LRMDA: variants seen among roughly 807,000 people sequenced by gnomAD.
LRMDA encodes the protein leucine-rich melanocyte differentiation-associated protein.
LRMDA carries 18 observed loss-of-function variants against 29.8 expected under a neutral mutation model. The ratio of observed to expected loss-of-function variants is 0.60; its 90% CI spans 0.42 to 0.90. The LOEUF is 0.90. Among genes scored for constraint, LRMDA ranks in the 40% least tolerant of loss-of-function variants. The pLI is 0.00. For synonymous variants in LRMDA, 125 were observed against 109.4 expected (o/e 1.14, Z -0.89); for missense variants, 273 against 273.9 (o/e 1.00, Z 0.02).
intron 5 of LRMDA, among the ~76,000 whole-genome samples, chr10:76,086,215 G>C (rs1459154629): frequency 6.6e-6 from 1 of 152,114 alleles, no homozygotes; most frequent in Non-Finnish European, 1.5e-5. Flanking sequence ...AGTTTAACTG[G>C]AGCACCCCTC....
chr10:75,750,619 C>CTGCAATCTCTGCACTTTG, intron 2 of LRMDA, among the ~76,000 whole-genome samples: 1 of 145,994 alleles, frequency 6.8e-6, no homozygotes, highest in East Asian at 2.2e-4. Flanking sequence ...CGGGCAGAGG[C>CTGCAATCTCTGCACTTTG]GCTCCTCACA....
chr10:75,914,923 G>A (rs1845904431), intron 2 of LRMDA, among the ~76,000 whole-genome samples: 1 of 152,022 alleles, frequency 6.6e-6, no homozygotes, highest in Non-Finnish European at 1.5e-5. Flanking sequence ...AATGACAAAA[G>A]AAAAATAAAA....
intron 2 of LRMDA, among the ~76,000 whole-genome samples, chr10:75,449,130 C>T (rs563067720): frequency 3.7e-4 from 51 of 136,618 alleles, no homozygotes; most frequent in Non-Finnish European, 9.1e-5. Context: ...CCAGCCTGGG[C>T]GACAGAGTGA....
At chr10:75,791,473 T>A (rs2132252531) in intron 2 of LRMDA, among the ~76,000 whole-genome samples, 1 of 152,296 alleles carries the variant, frequency 6.6e-6, no homozygotes, top group Non-Finnish European at 1.5e-5. Context: ...ATAGGAAAAA[T>A]TACAAGCACA....
intron 2 of LRMDA, among the ~76,000 whole-genome samples, chr10:75,467,334 A>G (rs143305515): frequency 3.3e-5 from 5 of 152,266 alleles, no homozygotes; most frequent in African/African-American, 4.8e-5. Flanking sequence ...CCCACCTGCC[A>G]TTATTTGACC....
chr10:75,673,730 G>A (rs1841928150), intron 2 of LRMDA, among the ~76,000 whole-genome samples: 1 of 152,162 alleles, frequency 6.6e-6, no homozygotes, highest in African/African-American at 2.4e-5. Flanking sequence ...TTGTGTCTAG[G>A]GATGCGACTA....
chr10:75,632,048 G>T (rs563390221), intron 2 of LRMDA, among the ~76,000 whole-genome samples: 1 of 152,142 alleles, frequency 6.6e-6, no homozygotes, highest in Non-Finnish European at 1.5e-5. Flanking sequence ...ATTCCCAGAC[G>T]TTGGCTGTGC....
At chr10:75,903,686 C>A (rs954910072) in intron 2 of LRMDA, among the ~76,000 whole-genome samples, 8 of 152,328 alleles carry the variant, frequency 5.3e-5, no homozygotes, top group Non-Finnish European at 1.2e-4. Flanking sequence ...CTAGGAGTCC[C>A]TTTATCTGCT....
chr10:76,401,954 G>T (rs1272294589), intron 6 of LRMDA, among the ~76,000 whole-genome samples: 1 of 152,024 alleles, frequency 6.6e-6, no homozygotes. Context: ...GCAGAGGTGG[G>T]GTCGGGGGAA....
chr10:76,213,911 A>G (rs1851678908), intron 5 of LRMDA, among the ~76,000 whole-genome samples: 1 of 152,206 alleles, frequency 6.6e-6, no homozygotes, highest in East Asian at 1.9e-4. Context: ...TAAGTGGAGC[A>G]ATTTTTAAAA....
At chr10:75,438,217 T>C (rs889659232) in intron 1 of LRMDA, among the ~76,000 whole-genome samples, 177 bp from the exon 2 acceptor site, 4 of 152,078 alleles carry the variant, frequency 2.6e-5, no homozygotes, top group Non-Finnish European at 4.4e-5. Flanking sequence ...GTTGGTGGAG[T>C]CCTTGGAGCC....
chr10:76,176,032 G>A (rs1357968257), intron 5 of LRMDA, among the ~76,000 whole-genome samples: 1 of 152,228 alleles, frequency 6.6e-6, no homozygotes, highest in Non-Finnish European at 1.5e-5. Context: ...CTGCCAGACG[G>A]TGGGCTGCAT....
intron 2 of LRMDA, among the ~76,000 whole-genome samples, chr10:75,643,586 G>T (rs1841480029): frequency 6.6e-6 from 1 of 152,084 alleles, no homozygotes. Context: ...ATTCTAGAAG[G>T]GCATATTGCT....
At chr10:76,339,980 G>A (rs567360319) in intron 6 of LRMDA, among the ~76,000 whole-genome samples, 12 of 152,008 alleles carry the variant, frequency 7.9e-5, no homozygotes, top group African/African-American at 2.4e-4. Context: ...TAAGCAATGT[G>A]AGAAAACATG....
chr10:76,538,553 TATAC>T (rs903175547), intron 6 of LRMDA, among the ~76,000 whole-genome samples: 3 of 142,002 alleles, frequency 2.1e-5, no homozygotes, highest in Non-Finnish European at 4.5e-5. Flanking sequence ...TGTATATATA[TATAC>T]ACACACACAC....
chr10:76,461,458 G>T (rs1842511077), intron 6 of LRMDA, among the ~76,000 whole-genome samples: 1 of 152,188 alleles, frequency 6.6e-6, no homozygotes, highest in Admixed American at 6.5e-5. Flanking sequence ...TTAGTGCATT[G>T]CTTCCAGAAT....
chr10:75,841,251 T>C (rs1018615289), intron 2 of LRMDA, among the ~76,000 whole-genome samples: 1 of 152,258 alleles, frequency 6.6e-6, no homozygotes, highest in Admixed American at 6.5e-5. Context: ...TCCATGGGCC[T>C]TCTCACTCTC....
At chr10:76,405,223 G>A (rs775999623) in intron 6 of LRMDA, among the ~76,000 whole-genome samples, 11 of 152,166 alleles carry the variant, frequency 7.2e-5, no homozygotes, top group Middle Eastern at 3.2e-3. Context: ...CTTGGTCCCC[G>A]GTTCTTCTGT....
intron 6 of LRMDA, among the ~76,000 whole-genome samples, chr10:76,426,557 G>A (rs954928281): frequency 7.2e-5 from 11 of 152,258 alleles, no homozygotes; most frequent in African/African-American, 2.2e-4. Context: ...TAGGTTGCCT[G>A]TTCACTCTGA....
Sources: allele counts gnomAD v4.1 joint callset (sites outside exome capture counted in the v4.1 genomes callset), GRCh38; gene constraint gnomAD v4.1.1; transcripts MANE v1.5; gene names NCBI Gene and HGNC (gene_info 2026-07-23, HGNC 2026-07-21).